Variants in GREB1 observed in about 807,000 individuals in gnomAD.
GREB1 encodes growth regulating estrogen receptor binding 1.
Under a neutral mutation model 200.7 loss-of-function variants are expected in GREB1, and 106 were observed. The observed-to-expected ratio is 0.53, with a 90% CI of 0.45 to 0.62. The LOEUF is 0.62. Among genes scored for constraint, GREB1 ranks in the 20% least tolerant of loss-of-function variants. The probability of loss-of-function intolerance (pLI) is 0.00; values close to 1 mark genes in which losing one functional copy is unlikely to be tolerated. For missense variants in GREB1, 2,243 were observed against 2,556.8 expected, an observed-to-expected ratio of 0.88 and a Z score of 2.65; for synonymous variants, 1,132 against 1,092.4, an observed-to-expected ratio of 1.04 and a Z score of -0.72.
At chr2:11,517,305 C>T (rs1340313025) in intron 1 of GREB1, 2 of 152,618 alleles carry the variant, frequency 1.3e-5, no homozygotes, top group Non-Finnish European at 2.9e-5. Flanking sequence ...CGGCTCCCTC[C>T]GCTCCAACCC....
At chr2:11,535,298 T>C (rs1264741417) in intron 1 of GREB1, among the ~76,000 whole-genome samples, 1 of 152,238 alleles carries the variant, frequency 6.6e-6, no homozygotes, top group Non-Finnish European at 1.5e-5. Context: ...GTCTGGCTTC[T>C]GGAAGTTTAT....
chr2:11,600,848 G>A lies in GREB1; in HGVS notation c.2382G>A (p.Leu794=), dbSNP rs757258578. The A allele has an allele frequency of 1.4e-5, 23 of 1,614,036 alleles. No individual in the cohort carries two copies. Among genetic ancestry groups the A allele is most frequent in the Non-Finnish European group, 1.9e-5 (23 of 1,180,010 alleles). Residue 794 remains leucine (L), a synonymous_variant, in exon 16 of 33, where the codon TTG becomes TTA. Transcript: ENST00000381486. ...CTCAAAGTGACCCGTCGGTGGGATT[G>A]GTGGACCGATTGCTCAACTGCAGGG... ...LYSQSDPSVG[L]VDRLLNCREV...
At chr2:11,496,349 A>C (rs1672886659) in intron 1 of GREB1, among the ~76,000 whole-genome samples, 1 of 152,160 alleles carries the variant, frequency 6.6e-6, no homozygotes, top group South Asian at 2.1e-4. Flanking sequence ...CTCTCGGTTT[A>C]TATTTGTCTC....
intron 1 of GREB1, among the ~76,000 whole-genome samples, chr2:11,511,186 A>G (rs1673340484): frequency 6.6e-6 from 1 of 152,148 alleles, no homozygotes; most frequent in Non-Finnish European, 1.5e-5. Flanking sequence ...GTGAACGGCC[A>G]TGGGTAGCCA....
chr2:11,636,153 G>A (rs13034515), intron 30 of GREB1, among the ~76,000 whole-genome samples: 23,726 of 152,168 alleles, frequency 0.16, 2,230 homozygotes, highest in Middle Eastern at 0.24. Context: ...CCCCTTTTCC[G>A]GGAGTTGGGG....
At chr2:11,557,581 T>C (rs903361314) in intron 2 of GREB1, among the ~76,000 whole-genome samples, 6 of 152,202 alleles carry the variant, frequency 3.9e-5, no homozygotes, top group African/African-American at 1.4e-4. Context: ...ATGGTTGGGT[T>C]GGAGAGAATT....
Position 11,618,870 on chromosome 2 carries a change from G to A in GREB1, c.3995G>A (p.Arg1332His), listed in dbSNP as rs371147515. The A allele has an allele frequency of 4.8e-5, 75 of 1,574,724 alleles. No homozygotes were observed. The highest frequency in any genetic ancestry group is 7.0e-5 in the South Asian group (6 of 86,054). Residue 1332 changes from arginine (R) to histidine (H), a missense_variant, in exon 22 of 33, where the codon CGC becomes CAC. Arg to His is a conservative substitution (Grantham distance 29). Transcript: ENST00000381486. ...GACTACGGCAACCGGGCCGAGGGCCGCGTGGACGGCTTCCACCCCCGCAGG... is the reference window on the plus strand; with the variant it reads ...GACTACGGCAACCGGGCCGAGGGCCACGTGGACGGCTTCCACCCCCGCAGG... Reference protein sequence around the residue: ...HMDYGNRAEGRVDGFHPRRLL... With the variant: ...HMDYGNRAEGHVDGFHPRRLL...
intron 1 of GREB1, among the ~76,000 whole-genome samples, chr2:11,485,191 G>A (rs946651843): frequency 7.9e-5 from 12 of 151,818 alleles, no homozygotes; most frequent in Admixed American, 4.6e-4. Flanking sequence ...ATAGCCAGTT[G>A]GACCAATATC....
intron 22 of GREB1, among the ~76,000 whole-genome samples, chr2:11,620,240 G>A (rs1683891560): frequency 6.6e-6 from 1 of 152,188 alleles, no homozygotes; most frequent in Admixed American, 6.5e-5. Context: ...CTCCCAAAGT[G>A]CTGGGATTAC....
rs763377587 is a variant in GREB1 at position 11,610,826 on chromosome 2, C to T, written c.2805C>T (p.Leu935=). The change falls in exon 18 of 33, where the codon CTC becomes CTT. Residue 935 remains leucine, a synonymous_variant. Transcript: ENST00000381486. ...AGACGCTGGAGATCACGCAGAACCTCCTCAACTCCCCGAAGCAGTGCCCCT... is the reference window on the plus strand; with the variant it reads ...AGACGCTGGAGATCACGCAGAACCTTCTCAACTCCCCGAAGCAGTGCCCCT... ...SVETLEITQN[L]LNSPKQCPCG... The T allele has an allele frequency of 5.0e-6, 8 of 1,613,446 alleles. No individual in the cohort carries two copies. The highest frequency in any genetic ancestry group is 8.5e-7 in the Non-Finnish European group (1 of 1,179,968).
intron 9 of GREB1, chr2:11,588,465 C>T (rs1680393827): frequency 1.8e-5 from 8 of 456,048 alleles, no homozygotes; most frequent in South Asian, 1.7e-4. Flanking sequence ...GGGCAAGTCC[C>T]TCCCTCCAGC....
At position 11,597,063 on chromosome 2, in the gene GREB1, G is replaced by A. The variant is rs1214837430; in HGVS notation, c.1955-718G>A. ...GGTGTGCACCGTGAGAGAGGGCAGT[G>A]GGCACAGGTGTGCTAAGTGGGTGCT... is the stretch of plus-strand genomic sequence containing the variant. On this transcript the variant is annotated intron_variant, in intron 13 of 32. Coordinates refer to ENST00000381486, the MANE Select transcript of GREB1 (RefSeq NM_014668.4). The surrounding 1 kb of genome is among the most constrained non-coding windows in gnomAD (Gnocchi z 4.1). Among the ~76,000 whole-genome samples the A allele has an allele frequency of 6.6e-6, 1 of 151,968 alleles. No individual in the cohort carries two copies. Among genetic ancestry groups the A allele is most frequent in the African/African-American group, 2.4e-5 (1 of 41,350 alleles).
Position 11,640,336 on chromosome 2 carries a change from A to C in GREB1, c.5732A>C (p.Gln1911Pro). ...VICQDRSSLR[Q>P]TVVRLELEDE... Reference sequence around the variant, plus strand: ...TGTCAGGACCGGAGCTCACTGCGCCAGACGGTCGTCCGCCTGGAGCTCGAG... The same window carrying C: ...TGTCAGGACCGGAGCTCACTGCGCCCGACGGTCGTCCGCCTGGAGCTCGAG... The change falls in exon 33 of 33, where the codon CAG becomes CCG. Residue 1911 changes from glutamine to proline, a missense_variant. Gln to Pro is a moderately conservative substitution (Grantham distance 76, BLOSUM62 -1). Coordinates refer to ENST00000381486, the MANE Select transcript of GREB1 (RefSeq NM_014668.4). The surrounding 1 kb of genome is among the most constrained non-coding windows in gnomAD (Gnocchi z 4.6). The C allele has an allele frequency of 6.2e-7, 1 of 1,614,124 alleles. No individual in the cohort carries two copies. The highest frequency in any genetic ancestry group is 8.5e-7 in the Non-Finnish European group (1 of 1,180,026).
At chr2:11,628,782 A>G (rs1684653917) in intron 25 of GREB1, among the ~76,000 whole-genome samples, 3 of 152,074 alleles carry the variant, frequency 2.0e-5, no homozygotes, top group Admixed American at 2.0e-4. Flanking sequence ...ATCAACAGAC[A>G]CCAGAGTGCA....
chr2:11,567,759 C>T (rs115864349), intron 4 of GREB1, among the ~76,000 whole-genome samples: 243 of 152,304 alleles, frequency 1.6e-3, no homozygotes, highest in African/African-American at 5.4e-3. Context: ...TACTGTGTGC[C>T]GGGCCATCAC....
intron 32 of GREB1, 78 bp downstream of exon 32, chr2:11,638,887 G>C (rs1407028763): frequency 6.9e-7 from 1 of 1,444,520 alleles, no homozygotes; most frequent in South Asian, 1.3e-5. Flanking sequence ...GGGACCTTTG[G>C]TCCTAGTCCT....
chr2:11,615,081 G>T lies in GREB1; in HGVS notation c.3123-10G>T. The T allele has an allele frequency of 6.2e-7, 1 of 1,608,948 alleles. No homozygotes were observed. Among genetic ancestry groups the T allele is most frequent in the South Asian group, 1.1e-5 (1 of 90,932 alleles). ...GCACTAAACAGACACCTTCTTCTGT[G>T]TCTTGCTAGGTCTTTGAGGTACTGT... On this transcript the variant is annotated splice_polypyrimidine_tract_variant and intron_variant, in intron 19 of 32. Coordinates refer to ENST00000381486, the MANE Select transcript of GREB1 (RefSeq NM_014668.4).
At chr2:11,564,029 A>G (rs893688528) in intron 3 of GREB1, among the ~76,000 whole-genome samples, 2 of 152,164 alleles carry the variant, frequency 1.3e-5, no homozygotes, top group South Asian at 2.1e-4. Context: ...CGAGTCAGCC[A>G]GGAGACTGTG....
chr2:11,558,531 A>G (rs61386285), intron 2 of GREB1, among the ~76,000 whole-genome samples: 5,732 of 152,172 alleles, frequency 0.038, 225 homozygotes, highest in African/African-American at 0.091. Context: ...AAGCCCTATG[A>G]TTTTCCCATT....
Sources: allele counts gnomAD v4.1 joint callset (sites outside exome capture counted in the v4.1 genomes callset), GRCh38; gene constraint gnomAD v4.1.1; non-coding constraint Gnocchi (gnomAD v3.1); transcripts MANE v1.5; gene names NCBI Gene and HGNC (gene_info 2026-07-23, HGNC 2026-07-21).